Variants in NFAM1 observed in about 807,000 individuals in gnomAD.
NFAM1 encodes NFAT activating protein with ITAM motif 1.
Under a neutral mutation model 29.0 loss-of-function variants are expected in NFAM1, and 17 were observed. The ratio of observed to expected loss-of-function variants is 0.59; its 90% CI spans 0.40 to 0.88. NFAM1 has a LOEUF of 0.88. Ranked by LOEUF, NFAM1 falls within the 40% of genes least tolerant of loss-of-function variation. The pLI is 0.00. For synonymous variants in NFAM1, 175 were observed against 147.2 expected (o/e 1.19, Z -1.36); for missense variants, 324 against 344.6 (o/e 0.94, Z 0.47).
At chr22:42,433,614 G>A (rs188810559), upstream of NFAM1, among the ~76,000 whole-genome samples, 9 of 152,308 alleles carry the variant, frequency 5.9e-5, no homozygotes, top group East Asian at 1.2e-3. Context: ...CTCCAAACAT[G>A]AACAGTGAAA....
Position 42,380,474 on chromosome 22 carries a change from C to A in NFAM1, c.*4687G>T, listed in dbSNP as rs1470775378. On this transcript the variant is annotated 3_prime_UTR_variant, in exon 6 of 6. Coordinates refer to ENST00000329021, the MANE Select transcript of NFAM1 (RefSeq NM_145912.8). ...TTCTGTCACCCACATATGTCACCTC[C>A]AGACACACACAAAACACACGCCAAC... is the stretch of plus-strand genomic sequence containing the variant. 6.6e-6 allele frequency: 1 copy of A among 152,378 alleles called. No individual in the cohort carries two copies. The highest frequency in any genetic ancestry group is 2.4e-5 in the African/African-American group (1 of 41,442). The allele number at this position is 152,378 out of a possible 1,614,324, so 9.4% of individuals were successfully genotyped here. A position where few individuals can be genotyped will look rare whatever the true frequency, so the allele number is the denominator to read the frequency against.
upstream of NFAM1, chr22:42,436,886 T>C (rs148418967): frequency 2.7e-3 from 1,234 of 455,574 alleles, 23 homozygotes; most frequent in African/African-American, 0.025. Flanking sequence ...ATTCACCTGG[T>C]CCTTTAATCA....
chr22:42,430,090 C>CT (rs963878164), intron 1 of NFAM1, among the ~76,000 whole-genome samples: 16 of 151,486 alleles, frequency 1.1e-4, no homozygotes, highest in African/African-American at 3.9e-4. Context: ...CTGTGAGTCT[C>CT]TATCTCTACG....
At chr22:42,418,607 C>T (rs1930335701) in intron 1 of NFAM1, among the ~76,000 whole-genome samples, 2 of 152,086 alleles carry the variant, frequency 1.3e-5, no homozygotes, top group African/African-American at 4.8e-5. Context: ...GCAAGAGAAT[C>T]GCTTGAACCC....
rs1184877467 is a variant in NFAM1 at position 42,397,838 on chromosome 22, C to A, written c.663+20G>T. On this transcript the variant is annotated intron_variant, in intron 4 of 5. Coordinates refer to ENST00000329021, the MANE Select transcript of NFAM1 (RefSeq NM_145912.8). ...TAAGGCCTGAAAGAGGTGGAGGGAG[C>A]CGGGGGCCCCGGGACTCACTGTGTA... 2.0e-6 allele frequency: 3 copies of A among 1,496,816 alleles called. No individual in the cohort carries two copies. The highest frequency in any genetic ancestry group is 3.3e-5 in the Admixed American group (2 of 59,744). The allele number at this position is 1,496,816 out of a possible 1,614,324, so 92.7% of individuals were successfully genotyped here.
chr22:42,402,714 C>G (rs1157858129), intron 3 of NFAM1, among the ~76,000 whole-genome samples: 1 of 152,128 alleles, frequency 6.6e-6, no homozygotes, highest in Non-Finnish European at 1.5e-5. Context: ...TCAAGTCAGG[C>G]AGGAGCCCCC....
intron 2 of NFAM1, among the ~76,000 whole-genome samples, chr22:42,410,857 C>T (rs1266654296): frequency 1.4e-4 from 21 of 152,244 alleles, no homozygotes; most frequent in Non-Finnish European, 7.4e-5. Context: ...TTTTAGGTCA[C>T]CTGCCAGCGG....
At position 42,391,340 on chromosome 22, in the gene NFAM1, G is replaced by A. The variant is rs1464653015; in HGVS notation, c.664-4262C>T. ...CATTGGCTACTGCCAGGTGAAAAAT[G>A]AACAGGGGTCTTGGGGGTGGGGGTA... On this transcript the variant is annotated intron_variant, in intron 4 of 5. Coordinates refer to ENST00000329021, the MANE Select transcript of NFAM1 (RefSeq NM_145912.8). Among the ~76,000 whole-genome samples, 4 of 117,092 alleles carry A rather than the reference G, an allele frequency of 3.4e-5. No individual in the cohort carries two copies. The Admixed American group carries it at 4.1e-4, about 12-fold the overall frequency. 76.8% of individuals were successfully genotyped at this position (117,092 alleles called of 152,430 possible).
intron 1 of NFAM1, among the ~76,000 whole-genome samples, chr22:42,416,989 C>T (rs1350057882): frequency 6.6e-6 from 1 of 152,064 alleles, no homozygotes; most frequent in Non-Finnish European, 1.5e-5. Context: ...TAGCAATCCC[C>T]CACTTCCGTG....
chr22:42,386,437 CA>C (rs61198968), intron 5 of NFAM1, among the ~76,000 whole-genome samples: 76,823 of 149,262 alleles, frequency 0.51, 20,168 homozygotes, highest in African/African-American at 0.61. Flanking sequence ...AAAACAAAAA[CA>C]AAAAAAAAGA....
At chr22:42,395,298 A>G (rs1929483051) in intron 4 of NFAM1, among the ~76,000 whole-genome samples, 1 of 151,850 alleles carries the variant, frequency 6.6e-6, no homozygotes, top group African/African-American at 2.4e-5. Context: ...ACATGGCAAA[A>G]CCCCATTTCT....
At chr22:42,392,567 G>GA (rs1929381186) in intron 4 of NFAM1, among the ~76,000 whole-genome samples, 1 of 152,134 alleles carries the variant, frequency 6.6e-6, no homozygotes, top group African/African-American at 2.4e-5. Context: ...GGAGGGGGAT[G>GA]CGGGCTCAAG....
At chr22:42,397,743 A>G in intron 4 of NFAM1, 115 bp downstream of exon 4, 1 of 675,766 alleles carries the variant, frequency 1.5e-6, no homozygotes, top group Non-Finnish European at 2.7e-6. Flanking sequence ...GAGGAACTTG[A>G]GGCTAGGAGA....
At chr22:42,399,446 C>CA (rs71311432) in intron 3 of NFAM1, among the ~76,000 whole-genome samples, 20,453 of 66,504 alleles carry the variant, frequency 0.31, 2,235 homozygotes, top group South Asian at 0.44. Flanking sequence ...GATCCCATCT[C>CA]AAAAAAAAAA....
intron 3 of NFAM1, among the ~76,000 whole-genome samples, chr22:42,399,378 C>G (rs1227430189): frequency 6.9e-6 from 1 of 144,452 alleles, no homozygotes; most frequent in Non-Finnish European, 1.5e-5. Context: ...ACCCAGGGGG[C>G]GGAGGTTGCA....
intron 4 of NFAM1, among the ~76,000 whole-genome samples, chr22:42,390,691 C>T (rs973898991): frequency 2.3e-4 from 35 of 152,070 alleles, no homozygotes; most frequent in African/African-American, 6.5e-4. Context: ...GTGACGGGTG[C>T]CTGTAGTCCC....
At chr22:42,426,954 G>A (rs769307093) in intron 1 of NFAM1, among the ~76,000 whole-genome samples, 11 of 152,154 alleles carry the variant, frequency 7.2e-5, no homozygotes, top group East Asian at 3.8e-4. Context: ...TCCTATTGCT[G>A]TCTGGGAGGA....
intron 1 of NFAM1, among the ~76,000 whole-genome samples, chr22:42,412,284 G>A (rs1930122426): frequency 6.6e-6 from 1 of 151,756 alleles, no homozygotes; most frequent in Non-Finnish European, 1.5e-5. Context: ...GCTTACCTCT[G>A]CAGGTGCAGC....
At chr22:42,430,724 T>G (rs550909193) in intron 1 of NFAM1, among the ~76,000 whole-genome samples, 1 of 152,156 alleles carries the variant, frequency 6.6e-6, no homozygotes, top group South Asian at 2.1e-4. Flanking sequence ...AATGTTTTGT[T>G]ATAGTTGAGA....
Sources: allele counts gnomAD v4.1 joint callset (sites outside exome capture counted in the v4.1 genomes callset), GRCh38; gene constraint gnomAD v4.1.1; transcripts MANE v1.5; gene names NCBI Gene and HGNC (gene_info 2026-07-23, HGNC 2026-07-21).